LIN9: variants seen among roughly 807,000 people sequenced by gnomAD.
The protein encoded by LIN9 is lin-9 DREAM MuvB core complex component, also known as protein lin-9 homolog.
LIN9 carries 18 observed loss-of-function variants against 78.0 expected under a neutral mutation model. The observed-to-expected ratio is 0.23, with a 90% CI of 0.16 to 0.34. LIN9 has a LOEUF of 0.34. LIN9 is among the 10% of genes least tolerant of loss of function. The pLI, the probability that LIN9 is intolerant of heterozygous loss-of-function variation, is 1.00. For synonymous variants in LIN9, 192 were observed against 215.2 expected (o/e 0.89, Z 0.94); for missense variants, 451 against 644.1 (o/e 0.70, Z 3.25).
At chr1:226,285,425 A>G (rs571478762) in intron 6 of LIN9, among the ~76,000 whole-genome samples, 66 of 152,322 alleles carry the variant, frequency 4.3e-4, no homozygotes, top group African/African-American at 1.6e-3. Flanking sequence ...TTTCATCACC[A>G]TCTAAAGAAA....
In LIN9 at chr1:226,308,849, C is replaced by T. The variant is rs571975133; in HGVS notation, c.31+260G>A. On this transcript the variant is annotated intron_variant, in intron 1 of 14. Coordinates refer to ENST00000681046, the MANE Select transcript of LIN9 (RefSeq NM_001366245.2). ...GTGGCGCCAGGGGAGCAGCCACCGC[C>T]TCCGCCTGGCACAGGCTGGACTCCC... The T allele has an allele frequency of 4.3e-4, 117 of 269,178 alleles. 1 individual carries two copies. In the East Asian group the frequency reaches 7.0e-3, roughly 16 times the overall value. The allele number at this position is 269,178 out of a possible 1,614,324, so 16.7% of individuals were successfully genotyped here.
intron 1 of LIN9, among the ~76,000 whole-genome samples, chr1:226,305,324 A>AC (rs1662838955): frequency 6.7e-6 from 1 of 148,762 alleles, no homozygotes; most frequent in Non-Finnish European, 1.5e-5. Context: ...AGAAAAAAAA[A>AC]AAAAAAAAAA....
rs1029500551 is a variant in LIN9, at chr1:226,265,828, G to A, written c.937-194C>T. ...CGAGCAGCTGGGATTACAGGCGCGC[G>A]CCACCACGCCCAGCTAATTTTTGTA... On this transcript the variant is annotated intron_variant, in intron 9 of 14. Coordinates refer to ENST00000681046, the MANE Select transcript of LIN9 (RefSeq NM_001366245.2). This position sits in a 1 kb window ranked among gnomAD's most constrained non-coding sequence, Gnocchi z 4.1. 5.9e-5 allele frequency among the ~76,000 whole-genome samples: 9 copies of A among 152,032 alleles called. No individual in the cohort carries two copies. Among genetic ancestry groups the A allele is most frequent in the East Asian group, 3.9e-4 (2 of 5,176 alleles).
chr1:226,279,002 C>A lies in LIN9; in HGVS notation c.525-1070G>T, dbSNP rs6605034. On this transcript the variant is annotated intron_variant, in intron 6 of 14. Coordinates refer to ENST00000681046, the MANE Select transcript of LIN9 (RefSeq NM_001366245.2). ...AAAAACAAACAAACAAACAAAAAAA[C>A]CACAAAAAATTAGCAGGGCATGGCG... Among the ~76,000 whole-genome samples the A allele has an allele frequency of 5.0e-3, 740 of 148,616 alleles. 5 individuals are homozygous for A. The highest frequency in any genetic ancestry group is 0.018 in the East Asian group (90 of 5,074).
At chr1:226,287,008 T>A (rs139037255) in intron 5 of LIN9, among the ~76,000 whole-genome samples, 3 of 152,260 alleles carry the variant, frequency 2.0e-5, no homozygotes, top group Middle Eastern at 6.8e-3. Flanking sequence ...ATAAATGCCT[T>A]GGGCTCAAAT....
At chr1:226,236,227 G>T (rs985717044) in intron 12 of LIN9, among the ~76,000 whole-genome samples, 4 of 151,252 alleles carry the variant, frequency 2.6e-5, no homozygotes, top group African/African-American at 4.9e-5. Flanking sequence ...AAATCGTAAA[G>T]TGTACAGGTT....
chr1:226,249,567 C>T (rs190525113), intron 11 of LIN9, among the ~76,000 whole-genome samples: 1 of 152,234 alleles, frequency 6.6e-6, no homozygotes, highest in Admixed American at 6.5e-5. Flanking sequence ...TAGGTATCTA[C>T]TTTTGCAGCT....
chr1:226,234,727 A>G (rs1173337689), intron 12 of LIN9, among the ~76,000 whole-genome samples: 1 of 152,088 alleles, frequency 6.6e-6, no homozygotes, highest in Non-Finnish European at 1.5e-5. Flanking sequence ...TGGCTCTCTC[A>G]GCAGACATAT....
intron 10 of LIN9, among the ~76,000 whole-genome samples, chr1:226,257,507 C>T (rs1283461393): frequency 6.6e-6 from 1 of 151,802 alleles, no homozygotes; most frequent in African/African-American, 2.4e-5. Flanking sequence ...AGCAATGATA[C>T]AAAGGAAAGG....
intron 1 of LIN9, 122 bp downstream of exon 1, chr1:226,308,987 A>G (rs999524640): frequency 2.0e-6 from 2 of 984,430 alleles, no homozygotes; most frequent in Middle Eastern, 3.9e-4. Context: ...CTAGGGGACC[A>G]CAGTGGGGCT....
At chr1:226,260,535 T>C (rs1014267086) in intron 10 of LIN9, among the ~76,000 whole-genome samples, 2 of 150,730 alleles carry the variant, frequency 1.3e-5, no homozygotes, top group African/African-American at 4.9e-5. Context: ...TAGATCAGTA[T>C]CTTTCATAAA....
At position 226,286,315 on chromosome 1, in the gene LIN9, C is replaced by A. The variant is rs746223139; in HGVS notation, c.524+18G>T. The stretch of plus-strand genomic sequence containing the variant: ...GGCTTGATTTTATTTTAAACAAAAA[C>A]AAAAACATTATTTTTACCTCCGTGG... On this transcript the variant is annotated intron_variant, in intron 6 of 14. Transcript: ENST00000681046. 1 of 1,599,196 alleles carries A rather than the reference C, an allele frequency of 6.3e-7. No homozygotes were observed. Among genetic ancestry groups the A allele is most frequent in the Admixed American group, 1.8e-5 (1 of 55,650 alleles).
rs1423052723 is a variant in LIN9, at chr1:226,292,871, T to TA, written c.264+2970_264+2971insT. Among the ~76,000 whole-genome samples the TA allele has an allele frequency of 3.3e-5, 5 of 152,320 alleles. No individual in the cohort carries two copies. In the East Asian group the frequency reaches 7.7e-4, roughly 23 times the overall value. The stretch of plus-strand genomic sequence containing the variant: ...GTTACTAGCCTTTACTTCCTAGCTT[T>TA]GAGTTCTTGGGCAAGATACTTATCT... On this transcript the variant is annotated intron_variant, in intron 4 of 14. Coordinates refer to ENST00000681046, the MANE Select transcript of LIN9 (RefSeq NM_001366245.2).
chr1:226,268,111 T>C (rs1000407826), intron 7 of LIN9, 21 bp from the exon 8 acceptor site: 1 of 1,609,694 alleles, frequency 6.2e-7, no homozygotes, highest in African/African-American at 1.3e-5. Context: ...AACAAAGGCA[T>C]TATGATGTGT....
intron 3 of LIN9, among the ~76,000 whole-genome samples, 166 bp from the exon 4 acceptor site, chr1:226,296,112 A>G (rs142641418): frequency 6.6e-6 from 1 of 152,318 alleles, no homozygotes; most frequent in East Asian, 1.9e-4. Context: ...AAATAATCTC[A>G]GATTTAGAAA....
chr1:226,295,167 C>T (rs1212308497), intron 4 of LIN9, among the ~76,000 whole-genome samples: 10 of 151,998 alleles, frequency 6.6e-5, no homozygotes, highest in Non-Finnish European at 1.3e-4. Flanking sequence ...ATTTTCCTCT[C>T]AGCAGGGTGC....
At chr1:226,276,077 A>G (rs1660639267) in intron 7 of LIN9, among the ~76,000 whole-genome samples, 1 of 152,194 alleles carries the variant, frequency 6.6e-6, no homozygotes, top group Non-Finnish European at 1.5e-5. Context: ...CAGCTCTAGT[A>G]ATTTTCTCAC....
intron 10 of LIN9, among the ~76,000 whole-genome samples, chr1:226,263,485 C>G (rs147935521): frequency 2.6e-5 from 4 of 151,920 alleles, no homozygotes; most frequent in Non-Finnish European, 4.4e-5. Flanking sequence ...TAACAAGGAT[C>G]GATAAAAATA....
rs979783458 is a variant in LIN9 at position 226,275,046 on chromosome 1, T to C, written c.682+2729A>G. Among the ~76,000 whole-genome samples, 9 of 152,310 alleles carry C rather than the reference T, an allele frequency of 5.9e-5. No individual in the cohort carries two copies. In the South Asian group the frequency reaches 1.9e-3, roughly 32 times the overall value. ...CCCCACAAGTACAGCAATTTTTTTA[T>C]TGTATGCTACACAGGGTGTTGAATT... On this transcript the variant is annotated intron_variant, in intron 7 of 14. Transcript: ENST00000681046.
Sources: allele counts gnomAD v4.1 joint callset (sites outside exome capture counted in the v4.1 genomes callset), GRCh38; gene constraint gnomAD v4.1.1; non-coding constraint Gnocchi (gnomAD v3.1); transcripts MANE v1.5; gene names NCBI Gene and HGNC (gene_info 2026-07-23, HGNC 2026-07-21).